Variants in PSD2 observed in about 807,000 individuals in gnomAD.
PSD2 encodes the protein pleckstrin and Sec7 domain containing 2.
Under a neutral mutation model 69.8 loss-of-function variants are expected in PSD2, and 38 were observed. That is an observed-to-expected ratio of 0.54 (90% CI 0.42 to 0.71). PSD2 has a LOEUF of 0.71. PSD2 is among the 30% of genes least tolerant of loss of function. The pLI, the probability that PSD2 is intolerant of heterozygous loss-of-function variation, is 0.00. For missense variants in PSD2, 943 were observed against 1,014.5 expected (o/e 0.93, Z 0.96); for synonymous variants, 412 against 423.0 (o/e 0.97, Z 0.32).
chr5:139,755,198 T>C, the PSD2 span, among the ~76,000 whole-genome samples: 12 of 152,178 alleles, frequency 7.9e-5, no homozygotes, highest in Non-Finnish European at 1.6e-4. Context: ...AGATGGATCC[T>C]CTGGGGTCTG....
chr5:139,813,534 C>T lies in PSD2; in HGVS notation c.597C>T (p.Gly199=). The T allele has an allele frequency of 3.1e-6, 5 of 1,609,994 alleles. No homozygotes were observed. Among genetic ancestry groups the T allele is most frequent in the Middle Eastern group, 1.7e-4 (1 of 6,046 alleles). Residue 199 remains glycine (G), a synonymous_variant, in exon 3 of 15, where the codon GGC becomes GGT. Transcript: ENST00000274710. The part of the protein sequence containing the change: ...RDSPEPGAGL[G]IGDMAFEGDM... Reference sequence around the variant, plus strand: ...GCCCTGAGCCAGGGGCTGGGTTGGGCATTGGGGACATGGCGTTTGAGGGGG... The same window carrying T: ...GCCCTGAGCCAGGGGCTGGGTTGGGTATTGGGGACATGGCGTTTGAGGGGG...
Position 139,841,715 on chromosome 5 carries a change from T to A in PSD2, c.2113-556T>A, listed in dbSNP as rs532023188. Among the ~76,000 whole-genome samples the A allele has an allele frequency of 5.4e-4, 82 of 152,360 alleles. 1 individual carries two copies. Among genetic ancestry groups the A allele is most frequent in the African/African-American group, 1.9e-3 (79 of 41,584 alleles). ...CGATAGTAGTAAGAGTGTGAATTGATATCTCATTGTGACTTGCATTTCTCT... is the reference window on the plus strand; with the variant it reads ...CGATAGTAGTAAGAGTGTGAATTGAAATCTCATTGTGACTTGCATTTCTCT... On this transcript the variant is annotated intron_variant, in intron 14 of 14. Transcript: ENST00000274710.
chr5:139,766,316 A>T, the PSD2 span, among the ~76,000 whole-genome samples: 1 of 152,112 alleles, frequency 6.6e-6, no homozygotes, highest in Non-Finnish European at 1.5e-5. Flanking sequence ...TAAGCCTTTC[A>T]TGGGATACTT....
At chr5:139,753,986 G>A in the PSD2 span, among the ~76,000 whole-genome samples, 12 of 152,244 alleles carry the variant, frequency 7.9e-5, no homozygotes, top group South Asian at 2.3e-3. Context: ...ACAGGCATGC[G>A]CCACCACACC....
At chr5:139,762,685 A>AGAG in the PSD2 span, among the ~76,000 whole-genome samples, 1 of 152,062 alleles carries the variant, frequency 6.6e-6, no homozygotes, top group Admixed American at 6.6e-5. Context: ...CGTGTCCAAG[A>AGAG]GAGGAGGGTC....
the PSD2 span, among the ~76,000 whole-genome samples, chr5:139,776,853 G>A: frequency 3.3e-5 from 5 of 152,198 alleles, 1 homozygote; most frequent in Admixed American, 1.3e-4. Context: ...CTCCTGGCCA[G>A]CCTATAAATC....
intron 1 of PSD2, among the ~76,000 whole-genome samples, chr5:139,796,942 G>GT (rs1759547451): frequency 2.0e-5 from 3 of 152,098 alleles, no homozygotes; most frequent in African/African-American, 7.2e-5. Context: ...CAGGGCAGGT[G>GT]GGCAGCCTGG....
the PSD2 span, among the ~76,000 whole-genome samples, chr5:139,784,981 A>G: frequency 1.3e-5 from 2 of 150,878 alleles, no homozygotes; most frequent in African/African-American, 4.9e-5. Context: ...CTGGTCTCAA[A>G]CTCCTGACCT....
chr5:139,824,105 C>T (rs1215098960), intron 7 of PSD2, among the ~76,000 whole-genome samples: 1 of 152,244 alleles, frequency 6.6e-6, no homozygotes, highest in African/African-American at 2.4e-5. Flanking sequence ...TATTGACAGA[C>T]AGCAGTGTTG....
intron 7 of PSD2, among the ~76,000 whole-genome samples, chr5:139,830,037 T>TA (rs1284105592): frequency 6.6e-6 from 1 of 151,140 alleles, no homozygotes. Flanking sequence ...ATAGCCATCC[T>TA]AGTGTAGTGT....
the PSD2 span, among the ~76,000 whole-genome samples, chr5:139,761,282 C>A: frequency 6.6e-6 from 1 of 152,204 alleles, no homozygotes; most frequent in African/African-American, 2.4e-5. Flanking sequence ...GTCACTTGCT[C>A]AATGTCACTA....
At chr5:139,831,142 T>A (rs1236315131) in intron 7 of PSD2, among the ~76,000 whole-genome samples, 1 of 152,172 alleles carries the variant, frequency 6.6e-6, no homozygotes, top group Non-Finnish European at 1.5e-5. Flanking sequence ...GATTATATCT[T>A]CTGGCAGATT....
In PSD2 at chr5:139,813,728, A is replaced by C. The variant is rs1760038875; in HGVS notation, c.791A>C (p.Glu264Ala). ...GPGGDEDDDE[E>A]DTDKLLNSAS... is the part of the protein sequence containing the mutation. ...GGGGGGGATGAGGATGATGATGAGG[A>C]GGACACGGACAAGTTGCTGAACTCA... The change falls in exon 3 of 15, where the codon GAG (glutamate) becomes GCG (alanine). Residue 264 changes from glutamate (E) to alanine (A), a missense_variant. Physicochemically the swap from Glu to Ala is moderately radical, Grantham distance 107 (BLOSUM62 -1). This residue lies in a region of PSD2 where 466 missense variants were observed against 445.0 expected (regional missense o/e 1.05). Coordinates refer to ENST00000274710, the MANE Select transcript of PSD2 (RefSeq NM_032289.4). The C allele has an allele frequency of 6.2e-7, 1 of 1,610,262 alleles. No individual in the cohort carries two copies. Among genetic ancestry groups the C allele is most frequent in the African/African-American group, 1.3e-5 (1 of 74,882 alleles).
the PSD2 span, among the ~76,000 whole-genome samples, chr5:139,755,685 G>A: frequency 6.6e-6 from 1 of 151,368 alleles, no homozygotes; most frequent in Admixed American, 6.6e-5. Context: ...ATGAGGCTCC[G>A]TGCCTGTTTC....
chr5:139,831,149 G>A (rs1277962691), intron 7 of PSD2, among the ~76,000 whole-genome samples: 1 of 152,108 alleles, frequency 6.6e-6, no homozygotes, highest in Non-Finnish European at 1.5e-5. Flanking sequence ...TCTTCTGGCA[G>A]ATTGACCCTT....
rs1337804008 is a variant in PSD2 at position 139,814,864 on chromosome 5, G to A, written c.1016+500G>A. ...CTTCAGACCAGGTGCAAAGGGAACT[G>A]GCTAGATGAGGGCCCCAAAGGGGAC... is the stretch of plus-strand genomic sequence containing the variant. On this transcript the variant is annotated intron_variant, in intron 4 of 14. Transcript: ENST00000274710. This position sits in a 1 kb window ranked among gnomAD's most constrained non-coding sequence, Gnocchi z 4.4. Among the ~76,000 whole-genome samples the A allele has an allele frequency of 1.3e-5, 2 of 152,146 alleles. No individual in the cohort carries two copies. Among genetic ancestry groups the A allele is most frequent in the Non-Finnish European group, 1.5e-5 (1 of 68,012 alleles).
the PSD2 span, among the ~76,000 whole-genome samples, chr5:139,782,654 G>A: frequency 1.3e-5 from 2 of 151,486 alleles, no homozygotes; most frequent in Non-Finnish European, 2.9e-5. Context: ...CACTACGCCC[G>A]GCTCATTTTT....
chr5:139,791,831 AG>A (rs914957483), upstream of PSD2, among the ~76,000 whole-genome samples: 2 of 152,192 alleles, frequency 1.3e-5, no homozygotes, highest in African/African-American at 4.8e-5. Context: ...GAGTGGTGTC[AG>A]TGGACTGTAC....
At chr5:139,761,971 G>A in the PSD2 span, among the ~76,000 whole-genome samples, 30 of 152,316 alleles carry the variant, frequency 2.0e-4, no homozygotes, top group African/African-American at 5.8e-4. Context: ...CTGAGCCTCC[G>A]TTTCCATAGC....
Sources: allele counts gnomAD v4.1 joint callset (sites outside exome capture counted in the v4.1 genomes callset), GRCh38; gene constraint gnomAD v4.1.1; regional missense constraint gnomAD v4.1.1; non-coding constraint Gnocchi (gnomAD v3.1); transcripts MANE v1.5; gene names NCBI Gene and HGNC (gene_info 2026-07-23, HGNC 2026-07-21).